Variants in ZNF469 observed in about 807,000 individuals in gnomAD.
ZNF469 encodes the protein zinc finger protein 469.
A neutral mutation model predicts 1.0 loss-of-function variants in ZNF469; 1 was observed. The ratio of observed to expected loss-of-function variants is 1.00; its 90% CI spans 0.35 to 4.73. The LOEUF (loss-of-function observed/expected upper bound fraction) is 4.73, where lower values mean the gene tolerates loss of function less well. Ranked by LOEUF, ZNF469 falls within the 30% of genes most tolerant of loss-of-function variation. The pLI is 0.16. For synonymous variants in ZNF469, 2,703 were observed against 2,363.4 expected (o/e 1.14, Z -4.17); for missense variants, 6,100 against 5,356.3 (o/e 1.14, Z -4.33).
At chr16:88,204,728 T>C in the ZNF469 span, among the ~76,000 whole-genome samples, 24,309 of 152,172 alleles carry the variant, frequency 0.16, 2,314 homozygotes, top group South Asian at 0.23. Context: ...TCCGCTGTGG[T>C]CTCAAATGAC....
chr16:88,113,593 G>A, the ZNF469 span, among the ~76,000 whole-genome samples: 1 of 152,198 alleles, frequency 6.6e-6, no homozygotes, highest in Non-Finnish European at 1.5e-5. Flanking sequence ...GGAAGGCCAT[G>A]CTTTTTGGGT....
At chr16:88,376,605 T>C in the ZNF469 span, among the ~76,000 whole-genome samples, 1 of 152,228 alleles carries the variant, frequency 6.6e-6, no homozygotes, top group African/African-American at 2.4e-5. Context: ...TTCTTTTCAT[T>C]AGAAGGATTC....
chr16:88,281,154 G>A, the ZNF469 span, among the ~76,000 whole-genome samples: 1 of 142,258 alleles, frequency 7.0e-6, no homozygotes, highest in African/African-American at 2.5e-5. Flanking sequence ...ACTGATGCTT[G>A]GTCAGTACTG....
At chr16:88,240,863 C>T in the ZNF469 span, among the ~76,000 whole-genome samples, 2 of 152,150 alleles carry the variant, frequency 1.3e-5, 1 homozygote, top group African/African-American at 4.8e-5. Flanking sequence ...CAGGGACCCT[C>T]AGTGTGCCCC....
At chr16:88,393,937 C>T (rs1904567565) in intron 1 of ZNF469, among the ~76,000 whole-genome samples, 1 of 152,248 alleles carries the variant, frequency 6.6e-6, no homozygotes, top group Non-Finnish European at 1.5e-5. Flanking sequence ...GGGGCTCATG[C>T]TACACCTCTG....
In ZNF469 at chr16:88,438,443, A is replaced by G. The variant is rs1567517453; in HGVS notation, c.10973A>G (p.Glu3658Gly). ...GTGTCCTCAAGCCACATGGTGTCTGAGGGGGGGCCCCGAGGCGCCTTCCAC... is the reference window on the plus strand; with the variant it reads ...GTGTCCTCAAGCCACATGGTGTCTGGGGGGGGGCCCCGAGGCGCCTTCCAC... ...KEVSSSHMVS[E>G]GGPRGAFHKG... The change falls in exon 3 of 3, where the codon GAG (glutamate) becomes GGG (glycine). Residue 3658 changes from glutamate to glycine, a missense_variant. Glu to Gly is a moderately conservative substitution (Grantham distance 98). Coordinates refer to ENST00000565624, the MANE Select transcript of ZNF469 (RefSeq NM_001367624.2). The G allele has an allele frequency of 1.3e-6, 2 of 1,549,960 alleles. No individual in the cohort carries two copies. Among genetic ancestry groups the G allele is most frequent in the Middle Eastern group, 1.7e-4 (1 of 5,992 alleles).
At chr16:88,390,752 C>T (rs924348437) in intron 1 of ZNF469, among the ~76,000 whole-genome samples, 16 of 152,192 alleles carry the variant, frequency 1.1e-4, no homozygotes, top group Non-Finnish European at 2.1e-4. Context: ...TGGGGGAAGG[C>T]GTCTCTGAGC....
chr16:88,153,644 C>T, the ZNF469 span, among the ~76,000 whole-genome samples: 5 of 152,224 alleles, frequency 3.3e-5, no homozygotes, highest in Admixed American at 6.5e-5. Context: ...TAGCCCAGGC[C>T]GCCTGCAAGG....
the ZNF469 span, among the ~76,000 whole-genome samples, chr16:88,131,677 G>C: frequency 7.9e-5 from 12 of 152,272 alleles, no homozygotes; most frequent in Non-Finnish European, 1.6e-4. Context: ...CCACGTGCCA[G>C]TGCAGGGAGG....
At chr16:88,231,803 C>G in the ZNF469 span, among the ~76,000 whole-genome samples, 1 of 152,204 alleles carries the variant, frequency 6.6e-6, no homozygotes, top group African/African-American at 2.4e-5. This position sits in a 1 kb window ranked among gnomAD's most constrained non-coding sequence, Gnocchi z 4.5. Flanking sequence ...TACTCACCTG[C>G]TCAGTCACGT....
the ZNF469 span, among the ~76,000 whole-genome samples, chr16:88,150,363 C>G: frequency 2.0e-5 from 3 of 152,266 alleles, no homozygotes; most frequent in Non-Finnish European, 2.9e-5. Flanking sequence ...CTGCAAAAAT[C>G]AATTTAGAGC....
At chr16:88,229,215 G>C in the ZNF469 span, among the ~76,000 whole-genome samples, 1 of 152,038 alleles carries the variant, frequency 6.6e-6, no homozygotes, top group African/African-American at 2.4e-5. Context: ...TATTTTTCTC[G>C]AGAAAAAAAA....
the ZNF469 span, among the ~76,000 whole-genome samples, chr16:88,215,639 C>T: frequency 6.6e-6 from 1 of 152,004 alleles, no homozygotes. Context: ...ATCTGCCCAC[C>T]TCGGCCTCCC....
chr16:88,324,103 A>G, the ZNF469 span, among the ~76,000 whole-genome samples: 1 of 152,224 alleles, frequency 6.6e-6, no homozygotes, highest in Non-Finnish European at 1.5e-5. Context: ...ATGGCACACC[A>G]CATGGCTGGC....
the ZNF469 span, among the ~76,000 whole-genome samples, chr16:88,341,803 T>C: frequency 6.6e-6 from 1 of 151,292 alleles, no homozygotes; most frequent in Non-Finnish European, 1.5e-5. Flanking sequence ...CCATGCCCAG[T>C]GGGGGCTGGG....
the ZNF469 span, among the ~76,000 whole-genome samples, chr16:88,224,626 C>T: frequency 2.6e-5 from 4 of 152,300 alleles, no homozygotes; most frequent in South Asian, 4.1e-4. Context: ...AGCAGGAGGG[C>T]GTCTGGGCTG....
the ZNF469 span, among the ~76,000 whole-genome samples, chr16:88,316,172 T>A: frequency 6.6e-6 from 1 of 152,196 alleles, no homozygotes; most frequent in Non-Finnish European, 1.5e-5. Context: ...CTCACCGGAA[T>A]CTCCGGGGCA....
chr16:88,171,082 G>T, the ZNF469 span, among the ~76,000 whole-genome samples: 1 of 152,208 alleles, frequency 6.6e-6, no homozygotes, highest in Non-Finnish European at 1.5e-5. Flanking sequence ...ATTTAAGAGA[G>T]AAGCTAATTT....
chr16:88,193,147 GTGGGGA>G, the ZNF469 span, among the ~76,000 whole-genome samples: 1,117 of 18,482 alleles, frequency 0.06, 58 homozygotes, highest in Non-Finnish European at 0.076. Flanking sequence ...GGTGATGGTG[GTGGGGA>G]TGGTGGTGAT....
Sources: allele counts gnomAD v4.1 joint callset (sites outside exome capture counted in the v4.1 genomes callset), GRCh38; gene constraint gnomAD v4.1.1; non-coding constraint Gnocchi (gnomAD v3.1); transcripts MANE v1.5; gene names NCBI Gene and HGNC (gene_info 2026-07-23, HGNC 2026-07-21).